Variants in GSE1 observed in about 807,000 individuals in gnomAD.
GSE1 encodes Gse1 coiled-coil protein.
A neutral mutation model predicts 112.6 loss-of-function variants in GSE1; 32 were observed. The observed-to-expected ratio is 0.28, with a 90% CI of 0.21 to 0.38. The LOEUF is 0.38. Among genes scored for constraint, GSE1 ranks in the 10% least tolerant of loss-of-function variants. GSE1 has a pLI of 1.00. For synonymous variants in GSE1, 1,115 were observed against 735.6 expected (o/e 1.52, Z -8.35); for missense variants, 2,348 against 1,699.2 (o/e 1.38, Z -6.71).
rs1485037974 is a variant in GSE1 at position 85,673,356 on chromosome 16, G to T, written c.*817G>T. 6.6e-6 allele frequency: 1 copy of T among 151,048 alleles called. No homozygotes were observed. The allele number at this position is 151,048 out of a possible 1,614,324, so 9.4% of individuals were successfully genotyped here. A position where few individuals can be genotyped will look rare whatever the true frequency, so the allele number is the denominator to read the frequency against. On this transcript the variant is annotated 3_prime_UTR_variant, in exon 16 of 16. Transcript: ENST00000253458. ...TATATTAAAAAAAAAACAAAGTTTT[G>T]TATGTTTTTATTACTTTAACTATTG...
chr16:85,534,859 G>A (rs531636894), intron 2 of GSE1, among the ~76,000 whole-genome samples: 10 of 152,338 alleles, frequency 6.6e-5, no homozygotes, highest in African/African-American at 1.9e-4. Context: ...GTGGTGTTCC[G>A]TGGTAGCGAT....
At position 85,598,544 on chromosome 16, in the gene GSE1, A is replaced by C. The variant is rs77001692; in HGVS notation, c.37+42181A>C. Among the ~76,000 whole-genome samples the C allele has an allele frequency of 5.7e-3, 863 of 152,348 alleles. 11 individuals carry two copies. Among genetic ancestry groups the C allele is most frequent in the African/African-American group, 0.02 (827 of 41,594 alleles). On this transcript the variant is annotated intron_variant, in intron 1 of 2. Transcript: ENST00000635906. ...TGCTTAAGAAAGCACCAGCACTCCA[A>C]ATAGCTGAGCAGGAACTTCTAATCC...
chr16:85,512,946 T>G (rs2051797063), intron 2 of GSE1, among the ~76,000 whole-genome samples: 2 of 152,100 alleles, frequency 1.3e-5, no homozygotes, highest in African/African-American at 4.8e-5. Flanking sequence ...CATGGTGTTC[T>G]GCCCACCACA....
intron 2 of GSE1, among the ~76,000 whole-genome samples, chr16:85,425,208 G>A (rs12922645): frequency 0.62 from 94,571 of 152,254 alleles, 32,208 homozygotes; most frequent in Non-Finnish European, 0.76. Context: ...GGCCAGCCAC[G>A]ATAGAAGCTG....
intron 3 of GSE1, 25 bp downstream of exon 3, chr16:85,648,776 T>C (rs764419866): frequency 3.6e-6 from 5 of 1,403,578 alleles, no homozygotes; most frequent in Non-Finnish European, 2.9e-6. Context: ...GCAGGGAGCC[T>C]AGCGTCCTCT....
At chr16:85,542,474 G>A (rs1334295026) in intron 2 of GSE1, among the ~76,000 whole-genome samples, 2 of 152,194 alleles carry the variant, frequency 1.3e-5, no homozygotes, top group African/African-American at 2.4e-5. Flanking sequence ...ATAAGCCTCC[G>A]CTGTGCAGAA....
At chr16:85,495,825 A>G (rs2051157871) in intron 2 of GSE1, among the ~76,000 whole-genome samples, 1 of 152,132 alleles carries the variant, frequency 6.6e-6, no homozygotes, top group South Asian at 2.1e-4. Flanking sequence ...AACCCCTGCC[A>G]GGGCAGTTAA....
At chr16:85,304,289 C>T (rs2045605966) in intron 1 of GSE1, among the ~76,000 whole-genome samples, 3 of 152,206 alleles carry the variant, frequency 2.0e-5, no homozygotes, top group Admixed American at 6.5e-5. Context: ...AGACCCCTGG[C>T]ATGGTGTCTT....
chr16:85,668,005 C>A, intron 13 of GSE1, 135 bp from the exon 14 acceptor site: 2 of 682,688 alleles, frequency 2.9e-6, no homozygotes, highest in East Asian at 2.6e-5. Flanking sequence ...CTCCTCTCTA[C>A]GCGATGTCAT....
chr16:85,556,692 G>A (rs528514692), intron 1 of GSE1, among the ~76,000 whole-genome samples: 1 of 149,846 alleles, frequency 6.7e-6, no homozygotes, highest in African/African-American at 2.5e-5. Flanking sequence ...CTTCCAAGGT[G>A]AAGTAAGCGC....
upstream of GSE1, among the ~76,000 whole-genome samples, chr16:85,551,050 G>A (rs139001276): frequency 1.3e-5 from 2 of 152,166 alleles, no homozygotes; most frequent in East Asian, 3.9e-4. Context: ...GAGGTGCGGG[G>A]TGAGTTTGCC....
Position 85,248,592 on chromosome 16 carries a change from C to T in GSE1, c.2283+76785C>T, listed in dbSNP as rs149801761. ...TAATGATGATACAGTAAGTGGAAGG[C>T]AGAGTCCTGGGGGAGCCGCCATGAT... On this transcript the variant is annotated intron_variant, in intron 1 of 2. Coordinates refer to the GSE1 transcript ENST00000637419. Among the ~76,000 whole-genome samples the T allele has an allele frequency of 2.8e-3, 426 of 152,172 alleles. 2 individuals are homozygous for T. The highest frequency in any genetic ancestry group is 9.5e-3 in the African/African-American group (393 of 41,510).
chr16:85,288,660 C>T (rs1420789372), intron 1 of GSE1, among the ~76,000 whole-genome samples: 1 of 152,196 alleles, frequency 6.6e-6, no homozygotes, highest in African/African-American at 2.4e-5. Flanking sequence ...TCTATTCTGT[C>T]CTGGGGGCTG....
chr16:85,368,631 G>A (rs1445794727), intron 2 of GSE1, among the ~76,000 whole-genome samples: 6 of 152,188 alleles, frequency 3.9e-5, no homozygotes, highest in Non-Finnish European at 8.8e-5. Flanking sequence ...CTTGAGCCCA[G>A]GAGTTCGAGG....
intron 5 of GSE1, among the ~76,000 whole-genome samples, chr16:85,655,248 T>C (rs1426699704): frequency 3.3e-5 from 5 of 152,148 alleles, no homozygotes; most frequent in African/African-American, 7.2e-5. Flanking sequence ...GGGGGGTCCA[T>C]TGACAGCAAG....
At chr16:85,217,748 C>T (rs1051915394) in intron 1 of GSE1, among the ~76,000 whole-genome samples, 16 of 152,198 alleles carry the variant, frequency 1.1e-4, no homozygotes, top group African/African-American at 3.9e-4. Flanking sequence ...CTAAGCCCTC[C>T]TGTTGCCCAC....
chr16:85,330,341 C>T (rs562299908), intron 1 of GSE1, among the ~76,000 whole-genome samples: 3 of 152,204 alleles, frequency 2.0e-5, no homozygotes, highest in Non-Finnish European at 4.4e-5. Context: ...GGGCCACCAG[C>T]CAAGGAACGC....
intron 1 of GSE1, among the ~76,000 whole-genome samples, chr16:85,180,547 G>A (rs1389314887): frequency 2.6e-5 from 4 of 152,248 alleles, no homozygotes; most frequent in African/African-American, 7.2e-5. Context: ...GCCAGTGTCC[G>A]AAGAGTTTTG....
intron 1 of GSE1, among the ~76,000 whole-genome samples, chr16:85,305,688 C>T (rs572851850): frequency 3.3e-5 from 5 of 152,082 alleles, no homozygotes; most frequent in Non-Finnish European, 7.4e-5. Context: ...GTTGGTCAGG[C>T]TGGTTTTGAA....
Sources: allele counts gnomAD v4.1 joint callset (sites outside exome capture counted in the v4.1 genomes callset), GRCh38; gene constraint gnomAD v4.1.1; transcripts MANE v1.5; gene names NCBI Gene and HGNC (gene_info 2026-07-23, HGNC 2026-07-21).